Variants in ABCB1 observed in about 807,000 individuals in gnomAD.
ABCB1 encodes the protein ATP binding cassette subfamily B member 1.
A neutral mutation model predicts 142.0 loss-of-function variants in ABCB1; 69 were observed. That is an observed-to-expected ratio of 0.49 (90% CI 0.40 to 0.59). The LOEUF (loss-of-function observed/expected upper bound fraction) is 0.59. Ranked by LOEUF, ABCB1 falls within the 20% of genes least tolerant of loss-of-function variation. The pLI is 0.00. For synonymous variants in ABCB1, 532 were observed against 539.2 expected, an observed-to-expected ratio of 0.99 and a Z score of 0.18; for missense variants, 1,326 against 1,554.7, an observed-to-expected ratio of 0.85 and a Z score of 2.47.
chr7:87,515,532 G>T, intron 24 of ABCB1, 104 bp from the exon 25 acceptor site: 4 of 957,902 alleles, frequency 4.2e-6, no homozygotes, highest in South Asian at 1.4e-5. Context: ...ATTAATTTGT[G>T]TTACAATTGG....
chr7:87,504,544 C>T (rs1240682249), intron 27 of ABCB1, 95 bp from the exon 28 acceptor site: 12 of 1,522,006 alleles, frequency 7.9e-6, no homozygotes, highest in East Asian at 2.4e-5. Context: ...CATGGTGGCT[C>T]ACGCCTGTAA....
At chr7:87,646,917 C>T (rs1053339288) in intron 1 of ABCB1, among the ~76,000 whole-genome samples, 3 of 152,140 alleles carry the variant, frequency 2.0e-5, no homozygotes, top group Admixed American at 6.5e-5. Context: ...CTAACTTTAT[C>T]AGTGTTACTT....
chr7:87,587,874 C>G (rs112249618), intron 3 of ABCB1, among the ~76,000 whole-genome samples: 4 of 82,074 alleles, frequency 4.9e-5, no homozygotes, highest in Admixed American at 1.3e-4. Context: ...GACTCTGTCT[C>G]AAAAAAAAAA....
chr7:87,656,569 G>A (rs1213349235), intron 1 of ABCB1, among the ~76,000 whole-genome samples: 1 of 151,916 alleles, frequency 6.6e-6, no homozygotes, highest in African/African-American at 2.4e-5. Flanking sequence ...GAAAGCAAGG[G>A]AAGATAAAGG....
At chr7:87,543,109 C>A (rs2129655656) in intron 17 of ABCB1, among the ~76,000 whole-genome samples, 1 of 152,246 alleles carries the variant, frequency 6.6e-6, no homozygotes, top group South Asian at 2.1e-4. Context: ...CCCTGGCCAA[C>A]ATGGTGAAGT....
At chr7:87,537,950 C>T (rs1479888438) in intron 19 of ABCB1, among the ~76,000 whole-genome samples, 2 of 152,086 alleles carry the variant, frequency 1.3e-5, no homozygotes, top group African/African-American at 2.4e-5. Flanking sequence ...AAAAATAGTG[C>T]TATAATTTAT....
chr7:87,536,862 G>A (rs1223972063), intron 19 of ABCB1, among the ~76,000 whole-genome samples: 1 of 152,136 alleles, frequency 6.6e-6, no homozygotes, highest in Non-Finnish European at 1.5e-5. Flanking sequence ...AAGAAAAATT[G>A]AGCAGGGTAA....
At chr7:87,521,841 G>C (rs1177139321) in intron 21 of ABCB1, 3 of 773,262 alleles carry the variant, frequency 3.9e-6, no homozygotes, top group Non-Finnish European at 4.7e-6. Context: ...ATTTTGAATA[G>C]TATGGAAAAA....
At chr7:87,565,974 A>G in intron 7 of ABCB1, 96 bp downstream of exon 7, 1 of 1,360,554 alleles carries the variant, frequency 7.3e-7, no homozygotes, top group East Asian at 2.3e-5. Context: ...CAAGTACAGA[A>G]TCAGAGTCAT....
rs145735495 is a variant in ABCB1 at position 87,686,769 on chromosome 7, G to A, written c.-331+26392C>T. Among the ~76,000 whole-genome samples the A allele has an allele frequency of 7.3e-3, 1,058 of 145,534 alleles. 19 individuals carry two copies. The highest frequency in any genetic ancestry group is 0.024 in the African/African-American group (953 of 39,296). ...CACCTGGGCAACATGGTGAAACCCC[G>A]CCTCTAGAAAAAAAAAAAAAAAAGA... is the stretch of plus-strand genomic sequence containing the variant. On this transcript the variant is annotated intron_variant, in intron 1 of 28. Transcript: ENST00000265724.
Position 87,549,358 on chromosome 7 carries a change from G to A in ABCB1, c.1715C>T (p.Ala572Val). The part of the protein sequence containing the change: ...DTESEAVVQV[A>V]LDKARKGRTT... Reference sequence around the variant, plus strand: ...CTAAGCCTCACTGACCTTATCCAGAGCCACCTGAACCACTGCTTCGCTTTC... The same window carrying A: ...CTAAGCCTCACTGACCTTATCCAGAACCACCTGAACCACTGCTTCGCTTTC... Residue 572 changes from alanine (A) to valine (V), a missense_variant, in exon 14 of 28, where the codon GCT becomes GTT. Transcript: ENST00000622132. The A allele has an allele frequency of 6.2e-7, 1 of 1,614,142 alleles. No individual in the cohort carries two copies. The highest frequency in any genetic ancestry group is 8.5e-7 in the Non-Finnish European group (1 of 1,180,018).
chr7:87,626,211 G>T (rs554629677), intron 1 of ABCB1, among the ~76,000 whole-genome samples: 2 of 98,994 alleles, frequency 2.0e-5, no homozygotes, highest in Non-Finnish European at 4.2e-5. Context: ...TCATATATAT[G>T]TGTCATATAT....
chr7:87,626,099 T>TC (rs199877301), intron 1 of ABCB1, among the ~76,000 whole-genome samples: 3 of 95,500 alleles, frequency 3.1e-5, no homozygotes, highest in Admixed American at 1.0e-4. Flanking sequence ...TATATATATA[T>TC]TGTCATATAT....
intron 1 of ABCB1, among the ~76,000 whole-genome samples, chr7:87,617,453 A>G (rs1820067849): frequency 6.6e-6 from 1 of 152,238 alleles, no homozygotes; most frequent in Non-Finnish European, 1.5e-5. Context: ...GTGTCCTTCC[A>G]TCTGAGGCAA....
chr7:87,513,849 C>T (rs1815119981), intron 25 of ABCB1, among the ~76,000 whole-genome samples: 1 of 152,150 alleles, frequency 6.6e-6, no homozygotes, highest in Non-Finnish European at 1.5e-5. Context: ...TTTAACACAC[C>T]ACTTAATAAC....
chr7:87,632,988 G>A (rs1281716637), intron 1 of ABCB1, among the ~76,000 whole-genome samples: 1 of 152,072 alleles, frequency 6.6e-6, no homozygotes, highest in Admixed American at 6.6e-5. Flanking sequence ...TAAGCACGGT[G>A]GAGACAAGTG....
intron 9 of ABCB1, among the ~76,000 whole-genome samples, chr7:87,551,236 T>A (rs1817053410): frequency 6.6e-6 from 1 of 152,014 alleles, no homozygotes; most frequent in African/African-American, 2.4e-5. Context: ...TGTCCCAGCC[T>A]GGTCTCCTGG....
intron 4 of ABCB1, among the ~76,000 whole-genome samples, chr7:87,576,534 T>C (rs1042013865): frequency 5.3e-5 from 8 of 151,348 alleles, no homozygotes; most frequent in Admixed American, 4.6e-4. Context: ...AGTTACTGCA[T>C]GTAAAGCTCC....
chr7:87,711,854 T>C (rs1443150807), intron 1 of ABCB1, among the ~76,000 whole-genome samples: 1 of 152,138 alleles, frequency 6.6e-6, no homozygotes, highest in Admixed American at 6.5e-5. Flanking sequence ...CTACCGTTCT[T>C]TTTTCTACCT....
Sources: allele counts gnomAD v4.1 joint callset (sites outside exome capture counted in the v4.1 genomes callset), GRCh38; gene constraint gnomAD v4.1.1; transcripts MANE v1.5; gene names NCBI Gene and HGNC (gene_info 2026-07-23, HGNC 2026-07-21).